ZNF438: variants seen among roughly 807,000 people sequenced by gnomAD.
ZNF438 encodes the protein zinc finger protein 438.
Under a neutral mutation model 38.0 loss-of-function variants are expected in ZNF438, and 25 were observed. The observed-to-expected ratio is 0.66, with a 90% CI of 0.48 to 0.92. ZNF438 has a LOEUF of 0.92. ZNF438 is among the 40% of genes least tolerant of loss of function. The pLI is 0.00. For missense variants in ZNF438, 1,007 were observed against 999.6 expected (o/e 1.01, Z -0.10); for synonymous variants, 372 against 364.1 (o/e 1.02, Z -0.25).
chr10:30,947,886 G>C (rs1005169990), intron 1 of ZNF438, among the ~76,000 whole-genome samples: 1 of 151,272 alleles, frequency 6.6e-6, no homozygotes, highest in Non-Finnish European at 1.5e-5. Context: ...GCTTCGGCTC[G>C]CGCACCCACT....
Position 30,901,370 on chromosome 10 carries a change from G to A in ZNF438, c.-32+7563C>T, listed in dbSNP as rs185450081. Among the ~76,000 whole-genome samples, 492 of 152,176 alleles carry A rather than the reference G, an allele frequency of 3.2e-3. 2 individuals carry two copies. The highest frequency in any genetic ancestry group is 4.4e-3 in the Non-Finnish European group (299 of 68,002). On this transcript the variant is annotated intron_variant, in intron 3 of 5. Transcript: ENST00000413025. ...TCTCACTGACTTCAAGAATGAAGCC[G>A]CGGACCCTCGCGCTGAGTGTTACAG...
In ZNF438 at chr10:31,023,961, T is replaced by C. The variant is rs181110116; in HGVS notation, c.-192+7872A>G. ...AAGGACTGTCTTCTGCAAGCACGGT[T>C]CTCCCCTACCCAGCAAGTATGGTTT... On this transcript the variant is annotated intron_variant, in intron 1 of 5. Coordinates refer to ENST00000413025, the Ensembl canonical transcript of ZNF438. 1.8e-4 allele frequency among the ~76,000 whole-genome samples: 27 copies of C among 152,310 alleles called. 1 individual carries two copies. Among genetic ancestry groups the C allele is most frequent in the Admixed American group, 1.6e-3 (24 of 15,296 alleles).
At chr10:30,955,127 C>T (rs1371614255) in intron 1 of ZNF438, among the ~76,000 whole-genome samples, 2 of 152,130 alleles carry the variant, frequency 1.3e-5, no homozygotes, top group African/African-American at 4.8e-5. Flanking sequence ...TTCAGCTACA[C>T]CTGAGAAGAT....
rs138609580 is a variant in ZNF438 at position 30,976,099 on chromosome 10, G to A, written c.-191-34448C>T. Among the ~76,000 whole-genome samples, 7 of 151,990 alleles carry A rather than the reference G, an allele frequency of 4.6e-5. No individual in the cohort carries two copies. The East Asian group carries it at 1.3e-3, about 29-fold the overall frequency. The stretch of plus-strand genomic sequence containing the variant: ...ATCCTTAGTTTTCAAAGCCTTAGAT[G>A]CACAATAAGTTAAAAATGAAAACCA... On this transcript the variant is annotated intron_variant, in intron 1 of 5. Transcript: ENST00000413025.
At chr10:31,009,327 C>T (rs957812190) in intron 1 of ZNF438, among the ~76,000 whole-genome samples, 10 of 152,166 alleles carry the variant, frequency 6.6e-5, no homozygotes, top group African/African-American at 2.4e-4. Context: ...TTAAAGAAAA[C>T]GTACAGCTGT....
chr10:31,017,705 G>A (rs2056303347), intron 1 of ZNF438, among the ~76,000 whole-genome samples: 1 of 152,178 alleles, frequency 6.6e-6, no homozygotes. Context: ...TTCACATCAG[G>A]AGGATTATAC....
intron 4 of ZNF438, among the ~76,000 whole-genome samples, chr10:30,858,696 C>G (rs1171919698): frequency 1.3e-5 from 2 of 152,286 alleles, no homozygotes; most frequent in East Asian, 3.9e-4. Context: ...AAATTTGAGA[C>G]AATGCAAAGG....
At chr10:30,902,164 T>C (rs925048141) in intron 3 of ZNF438, among the ~76,000 whole-genome samples, 1 of 152,180 alleles carries the variant, frequency 6.6e-6, no homozygotes. Flanking sequence ...GGCAGCCTGC[T>C]TTTATTCTCT....
chr10:30,917,035 G>GT (rs2043716215), intron 2 of ZNF438, among the ~76,000 whole-genome samples: 2 of 151,784 alleles, frequency 1.3e-5, no homozygotes, highest in Non-Finnish European at 2.9e-5. Context: ...AATCTTAAGT[G>GT]TACCATTCCA....
chr10:31,009,503 C>T (rs912131319), intron 1 of ZNF438, among the ~76,000 whole-genome samples: 2 of 152,174 alleles, frequency 1.3e-5, no homozygotes, highest in African/African-American at 4.8e-5. Flanking sequence ...TAGTTCATTC[C>T]TTCACTCAAA....
chr10:30,953,462 T>C (rs529630282), intron 1 of ZNF438, among the ~76,000 whole-genome samples: 2 of 150,580 alleles, frequency 1.3e-5, no homozygotes, highest in Admixed American at 1.3e-4. Context: ...ACCATGCAGA[T>C]ACTAATCATT....
At chr10:30,904,073 A>G (rs1322199812) in intron 3 of ZNF438, among the ~76,000 whole-genome samples, 1 of 152,120 alleles carries the variant, frequency 6.6e-6, no homozygotes, top group Non-Finnish European at 1.5e-5. Context: ...CTCAGAGCAA[A>G]ATTCATCTGG....
chr10:30,869,755 G>A (rs2037088469), intron 4 of ZNF438, among the ~76,000 whole-genome samples: 1 of 152,174 alleles, frequency 6.6e-6, no homozygotes, highest in Non-Finnish European at 1.5e-5. Flanking sequence ...GGTACCAAAA[G>A]TCCAAGAACA....
chr10:30,913,883 T>C (rs1484931528), intron 2 of ZNF438, among the ~76,000 whole-genome samples: 1 of 152,134 alleles, frequency 6.6e-6, no homozygotes, highest in Non-Finnish European at 1.5e-5. Context: ...AACTATATGT[T>C]CGGTATACAG....
intron 1 of ZNF438, among the ~76,000 whole-genome samples, chr10:30,971,102 G>A (rs1157200215): frequency 6.6e-6 from 1 of 152,118 alleles, no homozygotes; most frequent in East Asian, 1.9e-4. Flanking sequence ...TCTTATTAAA[G>A]AATGCTAAAC....
chr10:30,907,772 C>A (rs1373935803), intron 3 of ZNF438, among the ~76,000 whole-genome samples: 7 of 151,998 alleles, frequency 4.6e-5, no homozygotes, highest in Non-Finnish European at 1.0e-4. Context: ...TTTCAAAGAA[C>A]CAACTTTTGC....
At chr10:30,844,829 C>T in exon 6 of ZNF438, 1 of 1,179,674 alleles carries the variant, frequency 8.5e-7, no homozygotes, top group Non-Finnish European at 1.2e-6. Context: ...AAACCATGTA[C>T]AAAAATCATT....
At chr10:30,964,629 C>T (rs1024724745) in intron 1 of ZNF438, among the ~76,000 whole-genome samples, 3 of 152,132 alleles carry the variant, frequency 2.0e-5, no homozygotes, top group African/African-American at 4.8e-5. Context: ...TATCTTTAAT[C>T]GATAACTAAA....
chr10:31,025,453 C>T (rs2056881356), intron 1 of ZNF438, among the ~76,000 whole-genome samples: 1 of 152,198 alleles, frequency 6.6e-6, no homozygotes, highest in African/African-American at 2.4e-5. Context: ...ATTCTGAGTT[C>T]AGATTCTTCA....
Sources: gnomAD v4.1 joint callset for allele counts (sites outside exome capture counted in the v4.1 genomes callset) on GRCh38, gnomAD v4.1.1 for gene constraint, MANE v1.5 for transcripts, NCBI Gene and HGNC (gene_info 2026-07-23, HGNC 2026-07-21) for gene names.